DRC8: variants seen among roughly 807,000 people sequenced by gnomAD.
DRC8 encodes the protein dynein regulatory complex subunit 8, also known as dynein regulatory complex protein 8.
At chr1:245,039,407 C>T in the DRC8 span, among the ~76,000 whole-genome samples, 3 of 143,300 alleles carry the variant, frequency 2.1e-5, no homozygotes, top group East Asian at 2.1e-4. Context: ...CCCAGGAGCT[C>T]GAGGCTGCAG....
chr1:245,018,915 GTC>G, the DRC8 span, among the ~76,000 whole-genome samples: 1 of 152,148 alleles, frequency 6.6e-6, no homozygotes, highest in African/African-American at 2.4e-5. Context: ...CTAACGCCAA[GTC>G]TCTTGCTACA....
the DRC8 span, among the ~76,000 whole-genome samples, chr1:244,990,298 G>C: frequency 6.6e-6 from 1 of 152,182 alleles, no homozygotes. Context: ...ATGTTGTTAT[G>C]ATTATTCTAT....
At chr1:244,976,728 T>C in the DRC8 span, among the ~76,000 whole-genome samples, 5 of 152,194 alleles carry the variant, frequency 3.3e-5, no homozygotes, top group East Asian at 9.6e-4. Context: ...GAAAGTGGTA[T>C]GGCGGTTCCT....
the DRC8 span, among the ~76,000 whole-genome samples, chr1:245,105,579 C>T: frequency 7.1e-6 from 1 of 139,902 alleles, no homozygotes; most frequent in African/African-American, 2.6e-5. Context: ...GCCATGATCA[C>T]ACCATTGCGC....
chr1:245,114,473 A>T, the DRC8 span, among the ~76,000 whole-genome samples: 1 of 151,868 alleles, frequency 6.6e-6, no homozygotes, highest in Admixed American at 6.6e-5. Context: ...TAAAAAAAAA[A>T]AAAAAATTGT....
chr1:245,000,573 G>A, the DRC8 span, among the ~76,000 whole-genome samples: 1 of 152,104 alleles, frequency 6.6e-6, no homozygotes, highest in Non-Finnish European at 1.5e-5. Context: ...GAGGTCAGGA[G>A]ATTGAAACTA....
chr1:245,115,481 G>T, the DRC8 span, among the ~76,000 whole-genome samples: 1 of 152,230 alleles, frequency 6.6e-6, no homozygotes, highest in Non-Finnish European at 1.5e-5. Context: ...GAAGTTCAGG[G>T]AACCTGGTGA....
the DRC8 span, among the ~76,000 whole-genome samples, chr1:245,111,142 C>T: frequency 6.6e-6 from 1 of 152,208 alleles, no homozygotes; most frequent in East Asian, 1.9e-4. Context: ...TTATAATTTA[C>T]TTTTTGGCAA....
At chr1:245,072,434 C>T in the DRC8 span, among the ~76,000 whole-genome samples, 9 of 152,098 alleles carry the variant, frequency 5.9e-5, no homozygotes, top group East Asian at 5.8e-4. Flanking sequence ...GATGAGGTTT[C>T]GCCATGTTGC....
At chr1:245,068,333 C>T in the DRC8 span, among the ~76,000 whole-genome samples, 1 of 152,140 alleles carries the variant, frequency 6.6e-6, no homozygotes, top group Non-Finnish European at 1.5e-5. Context: ...AACTTCCTTT[C>T]CAACAATGCC....
the DRC8 span, among the ~76,000 whole-genome samples, chr1:245,051,962 C>T: frequency 6.6e-6 from 1 of 152,018 alleles, no homozygotes; most frequent in African/African-American, 2.4e-5. Flanking sequence ...GTAAAGGTGA[C>T]GTGAGGATTA....
At chr1:245,066,428 C>T in the DRC8 span, among the ~76,000 whole-genome samples, 11,321 of 152,218 alleles carry the variant, frequency 0.074, 487 homozygotes, top group African/African-American at 0.096. Flanking sequence ...AGATGTAATA[C>T]ATTGGAGTGA....
At chr1:244,977,840 G>A in the DRC8 span, among the ~76,000 whole-genome samples, 3 of 152,052 alleles carry the variant, frequency 2.0e-5, no homozygotes, top group African/African-American at 4.8e-5. Context: ...ACATTTGCAT[G>A]TCCAACTAAT....
chr1:244,974,884 G>A, the DRC8 span, among the ~76,000 whole-genome samples: 1 of 151,854 alleles, frequency 6.6e-6, no homozygotes, highest in Non-Finnish European at 1.5e-5. Flanking sequence ...TGTAGAGACA[G>A]GGTTTCACTG....
chr1:244,983,063 A>G, the DRC8 span, among the ~76,000 whole-genome samples: 2 of 149,626 alleles, frequency 1.3e-5, no homozygotes, highest in South Asian at 2.1e-4. Context: ...TCTCCTAGGG[A>G]AAAAAAAAGA....
chr1:245,078,735 C>T, the DRC8 span, among the ~76,000 whole-genome samples: 2 of 152,148 alleles, frequency 1.3e-5, no homozygotes, highest in Non-Finnish European at 2.9e-5. Context: ...AAAACAATTT[C>T]TGATGTACAG....
At chr1:244,987,443 G>A in the DRC8 span, among the ~76,000 whole-genome samples, 4 of 151,942 alleles carry the variant, frequency 2.6e-5, no homozygotes, top group Non-Finnish European at 5.9e-5. Flanking sequence ...GACCTCAAGT[G>A]ATCCGCCCAC....
At chr1:245,017,584 G>A in the DRC8 span, among the ~76,000 whole-genome samples, 31 of 152,112 alleles carry the variant, frequency 2.0e-4, no homozygotes, top group Non-Finnish European at 5.9e-5. Flanking sequence ...CTCTGTGACT[G>A]AGATGAACTC....
At chr1:245,109,172 C>G in the DRC8 span, among the ~76,000 whole-genome samples, 11,415 of 152,126 alleles carry the variant, frequency 0.075, 1,142 homozygotes, top group African/African-American at 0.22. Flanking sequence ...CGAGAGAGCT[C>G]GGTTATTTAT....
Sources: gnomAD v4.1 joint callset for allele counts (sites outside exome capture counted in the v4.1 genomes callset) on GRCh38, gnomAD v4.1.1 for gene constraint, MANE v1.5 for transcripts, NCBI Gene and HGNC (gene_info 2026-07-23, HGNC 2026-07-21) for gene names.